NBN: variants seen among roughly 807,000 people sequenced by gnomAD.
NBN encodes the protein nibrin.
In NBN, 88 loss-of-function variants were observed where a neutral mutation model predicts 90.8. The observed-to-expected ratio is 0.97, with a 90% CI of 0.82 to 1.16. The LOEUF (loss-of-function observed/expected upper bound fraction) is 1.16. Among genes scored for constraint, NBN ranks in the 50% most tolerant of loss-of-function variants. The pLI is 0.00. For missense variants in NBN, 894 were observed against 869.6 expected (o/e 1.03, Z -0.35); for synonymous variants, 328 against 295.1 (o/e 1.11, Z -1.14).
At chr8:89,976,574 T>C (rs1221447717) in intron 5 of NBN, among the ~76,000 whole-genome samples, 1 of 152,196 alleles carries the variant, frequency 6.6e-6, no homozygotes, top group African/African-American at 2.4e-5. Flanking sequence ...CCATTATATC[T>C]ATACTGAATA....
chr8:89,983,811 C>T (rs1447530031), intron 1 of NBN, among the ~76,000 whole-genome samples: 1 of 152,054 alleles, frequency 6.6e-6, no homozygotes, highest in African/African-American at 2.4e-5. Context: ...TCTCCAGGGA[C>T]GCCTTGACCT....
Position 89,935,628 on chromosome 8 carries a change from T to G in NBN, c.2235-16A>C, listed in dbSNP as rs1405688125. ...AGGATTGTATCTGCAAAGAAAGAAA[T>G]GGGGTTAAATGATATTTAGATAAGG... On this transcript the variant is annotated splice_polypyrimidine_tract_variant and intron_variant, in intron 15 of 15. Coordinates refer to ENST00000265433, the MANE Select transcript of NBN (RefSeq NM_002485.5). 1 of 1,603,296 alleles carries G rather than the reference T, an allele frequency of 6.2e-7. No individual in the cohort carries two copies. The highest frequency in any genetic ancestry group is 8.5e-7 in the Non-Finnish European group (1 of 1,171,254).
At chr8:89,949,580 G>A (rs1237510429) in intron 11 of NBN, among the ~76,000 whole-genome samples, 5 of 152,134 alleles carry the variant, frequency 3.3e-5, no homozygotes, top group African/African-American at 7.2e-5. Context: ...GCTATCATTC[G>A]TATAAGGATA....
chr8:89,960,027 T>C (rs1183555720), intron 8 of NBN, among the ~76,000 whole-genome samples: 1 of 152,168 alleles, frequency 6.6e-6, no homozygotes, highest in Non-Finnish European at 1.5e-5. Context: ...GACTAAGTCT[T>C]GTGTATTTCT....
intron 8 of NBN, among the ~76,000 whole-genome samples, chr8:89,959,735 C>G (rs930489369): frequency 6.6e-6 from 1 of 152,218 alleles, no homozygotes; most frequent in Non-Finnish European, 1.5e-5. Context: ...GCCTAAGACC[C>G]TATCTCAAAA....
intron 11 of NBN, among the ~76,000 whole-genome samples, chr8:89,952,839 A>C (rs1403994374): frequency 6.6e-6 from 1 of 152,240 alleles, no homozygotes; most frequent in Non-Finnish European, 1.5e-5. Flanking sequence ...CAAGGACATT[A>C]CAAAACCTAA....
intron 7 of NBN, among the ~76,000 whole-genome samples, chr8:89,968,699 C>G (rs1811364770): frequency 6.6e-6 from 1 of 152,072 alleles, no homozygotes; most frequent in South Asian, 2.1e-4. Flanking sequence ...GAGGCCTTCT[C>G]TGTTTAGAAT....
chr8:89,968,475 C>A (rs2129814060), intron 7 of NBN, among the ~76,000 whole-genome samples: 1 of 152,302 alleles, frequency 6.6e-6, no homozygotes, highest in South Asian at 2.1e-4. Flanking sequence ...TGCAAACCCC[C>A]TTCTGCCTCA....
intron 11 of NBN, among the ~76,000 whole-genome samples, chr8:89,951,016 TAAGGGAAAAAAAGTGGG>T (rs1563521206): frequency 2.6e-5 from 4 of 151,756 alleles, no homozygotes; most frequent in African/African-American, 9.7e-5. Context: ...GGATGGAATT[TAAGGGAAAAAAAGTGGG>T]GTGGGGGTAG....
chr8:89,961,574 G>A (rs1805820), intron 8 of NBN, among the ~76,000 whole-genome samples: 9,676 of 152,220 alleles, frequency 0.064, 923 homozygotes, highest in African/African-American at 0.21. Context: ...TTGACGAGCA[G>A]TACTGAACAT....
chr8:89,967,747 A>T (rs188110015), intron 7 of NBN, among the ~76,000 whole-genome samples: 1 of 152,328 alleles, frequency 6.6e-6, no homozygotes, highest in African/African-American at 2.4e-5. Flanking sequence ...AAGACACTTA[A>T]TCTTTACCAC....
At position 89,937,012 on chromosome 8, in the gene NBN, G is replaced by A. The variant is rs763071338; in HGVS notation, c.2234+14C>T. On this transcript the variant is annotated intron_variant, in intron 15 of 15. Coordinates refer to ENST00000265433, the MANE Select transcript of NBN (RefSeq NM_002485.5). Reference sequence around the variant, plus strand: ...TCTCTCAAAGGTACATGAGAAAGGTGAATCAAACTTTACCTAAAAAGATCA... The same window carrying A: ...TCTCTCAAAGGTACATGAGAAAGGTAAATCAAACTTTACCTAAAAAGATCA... 2.5e-6 allele frequency: 4 copies of A among 1,591,986 alleles called. No homozygotes were observed. The highest frequency in any genetic ancestry group is 2.2e-5 in the East Asian group (1 of 44,742).
chr8:89,971,354 G>A (rs570334299), intron 5 of NBN, 64 bp from the exon 6 acceptor site: 41 of 1,523,880 alleles, frequency 2.7e-5, no homozygotes, highest in Admixed American at 1.0e-4. Flanking sequence ...AATTGTAAAC[G>A]GAGTGACTAT....
At chr8:89,984,485 A>C (rs745759422) in intron 1 of NBN, 40 bp downstream of exon 1, 6 of 1,580,398 alleles carry the variant, frequency 3.8e-6, no homozygotes, top group Admixed American at 3.3e-5. Context: ...GGCAGTCGCT[A>C]CCGGGAAAAT....
intron 7 of NBN, among the ~76,000 whole-genome samples, chr8:89,970,079 T>C (rs1015091365): frequency 2.0e-5 from 3 of 151,996 alleles, no homozygotes; most frequent in South Asian, 2.1e-4. Flanking sequence ...CAAAACCCTG[T>C]CTCTACTAAA....
chr8:89,967,890 T>C (rs941344863), intron 7 of NBN, among the ~76,000 whole-genome samples: 2 of 152,214 alleles, frequency 1.3e-5, no homozygotes, highest in East Asian at 1.9e-4. Flanking sequence ...GCTCCTTCAT[T>C]GGCTTGAACT....
chr8:89,980,510 T>C (rs1391752843), intron 4 of NBN, among the ~76,000 whole-genome samples: 1 of 151,850 alleles, frequency 6.6e-6, no homozygotes, highest in African/African-American at 2.4e-5. Context: ...AAACAAAATC[T>C]GAAATATAAT....
At chr8:89,981,882 A>G in intron 2 of NBN, 2 of 709,874 alleles carry the variant, frequency 2.8e-6, no homozygotes, top group Admixed American at 4.4e-5. Context: ...TTTGTTTTAC[A>G]GTATCAAAAC....
At chr8:89,980,363 G>C (rs1480455026) in intron 4 of NBN, among the ~76,000 whole-genome samples, 3 of 151,370 alleles carry the variant, frequency 2.0e-5, no homozygotes, top group African/African-American at 7.3e-5. Flanking sequence ...AAGACAACTT[G>C]ATAGAAAGAC....
Sources: gnomAD v4.1 joint callset for allele counts (sites outside exome capture counted in the v4.1 genomes callset) on GRCh38, gnomAD v4.1.1 for gene constraint, MANE v1.5 for transcripts, NCBI Gene and HGNC (gene_info 2026-07-23, HGNC 2026-07-21) for gene names.